Variants in ARHGAP32 observed in about 807,000 individuals in gnomAD.
ARHGAP32 encodes rho GTPase-activating protein 32.
Under a neutral mutation model 186.5 loss-of-function variants are expected in ARHGAP32, and 51 were observed. The ratio of observed to expected loss-of-function variants is 0.27; its 90% CI spans 0.22 to 0.35. The LOEUF is 0.35. Among genes scored for constraint, ARHGAP32 ranks in the 10% least tolerant of loss-of-function variants. ARHGAP32 has a pLI of 1.00. For missense variants in ARHGAP32, 2,186 were observed against 2,623.5 expected, an observed-to-expected ratio of 0.83 and a Z score of 3.64; for synonymous variants, 950 against 964.3, an observed-to-expected ratio of 0.99 and a Z score of 0.27.
intron 11 of ARHGAP32, among the ~76,000 whole-genome samples, chr11:129,013,664 A>G (rs1938198244): frequency 6.6e-6 from 1 of 152,180 alleles, no homozygotes; most frequent in African/African-American, 2.4e-5. Flanking sequence ...TTATACTCAA[A>G]TTTGAGGATC....
Position 129,192,111 on chromosome 11 carries a change from C to T in ARHGAP32, c.88G>A (p.Glu30Lys), listed in dbSNP as rs745814775. The T allele has an allele frequency of 6.2e-7, 1 of 1,613,630 alleles. No individual in the cohort carries two copies. The highest frequency in any genetic ancestry group is 8.5e-7 in the Non-Finnish European group (1 of 1,179,752). ...SEVIIQVTDCEEEEREEKFRK... is the reference protein window; with the variant it reads ...SEVIIQVTDCKEEEREEKFRK... ...AACTTCTCTTCCCTTTCTTCCTCTT[C>T]ACAGTCAGTCACCTGGATTATAACT... The change falls in exon 1 of 23, where the codon GAA (glutamate) becomes AAA (lysine). Residue 30 changes from glutamate to lysine, a missense_variant. Glu to Lys is a moderately conservative substitution (Grantham distance 56). Transcript: ENST00000682385.
intron 10 of ARHGAP32, among the ~76,000 whole-genome samples, chr11:129,057,308 G>A (rs541252021): frequency 6.6e-6 from 1 of 152,186 alleles, no homozygotes; most frequent in South Asian, 2.1e-4. Context: ...AGGTCTGCTA[G>A]TCCTCCATGT....
rs1475932542 is a variant in ARHGAP32 at position 128,966,767 on chromosome 11, A to G, written c.*2140T>C. On this transcript the variant is annotated 3_prime_UTR_variant, in exon 23 of 23. Coordinates refer to ENST00000682385, the MANE Select transcript of ARHGAP32 (RefSeq NM_001378024.1). The stretch of plus-strand genomic sequence containing the variant: ...GCCGTGTGTATCTCCTGGTCACAGC[A>G]GCCCCTCTTCCTAATCTCCATGCTG... 2.6e-5 allele frequency: 4 copies of G among 152,204 alleles called. No homozygotes were observed. Among genetic ancestry groups the G allele is most frequent in the African/African-American group, 9.7e-5 (4 of 41,436 alleles). The allele number at this position is 152,204 out of a possible 1,614,324, so 9.4% of individuals were successfully genotyped here. A position where few individuals can be genotyped will look rare whatever the true frequency, so the allele number is the denominator to read the frequency against.
intron 1 of ARHGAP32, 52 bp downstream of exon 1, chr11:129,192,031 G>A (rs1236628948): frequency 7.8e-6 from 10 of 1,284,326 alleles, no homozygotes; most frequent in Admixed American, 5.3e-5. Context: ...AAAGGGGTGC[G>A]GGTGGGGGTA....
At chr11:129,194,446 A>G (rs1344529050), upstream of ARHGAP32, among the ~76,000 whole-genome samples, 1 of 152,206 alleles carries the variant, frequency 6.6e-6, no homozygotes, top group East Asian at 1.9e-4. Context: ...AGGTCACAAT[A>G]CGGAACAAAG....
chr11:129,004,323 T>C (rs1937651363), intron 11 of ARHGAP32, among the ~76,000 whole-genome samples: 1 of 148,016 alleles, frequency 6.8e-6, no homozygotes, highest in South Asian at 2.2e-4. Context: ...ATAATCCACA[T>C]GCTGAGGAGA....
chr11:128,999,949 C>T (rs1591518717), intron 11 of ARHGAP32, among the ~76,000 whole-genome samples: 1 of 152,162 alleles, frequency 6.6e-6, no homozygotes, highest in African/African-American at 2.4e-5. Flanking sequence ...GGTGTAAAAG[C>T]GGTTTGCATT....
chr11:128,978,595 T>C (rs1945618923), intron 19 of ARHGAP32, among the ~76,000 whole-genome samples, 175 bp downstream of exon 19: 2 of 152,192 alleles, frequency 1.3e-5, no homozygotes, highest in Admixed American at 1.3e-4. Flanking sequence ...TTATATATAA[T>C]TTATGTTACT....
intron 1 of ARHGAP32, among the ~76,000 whole-genome samples, chr11:129,263,116 A>G (rs185730988): frequency 1.4e-3 from 219 of 152,326 alleles, no homozygotes; most frequent in Non-Finnish European, 2.1e-3. Context: ...AACGATCTAA[A>G]CATAAGAGCT....
intron 1 of ARHGAP32, among the ~76,000 whole-genome samples, chr11:129,271,305 C>A (rs1051555980): frequency 1.3e-5 from 2 of 151,922 alleles, no homozygotes; most frequent in African/African-American, 4.8e-5. Flanking sequence ...GAGATGTAGT[C>A]AGGTTCGGTT....
At chr11:128,994,446 T>C (rs561001879) in intron 12 of ARHGAP32, among the ~76,000 whole-genome samples, 9 of 152,180 alleles carry the variant, frequency 5.9e-5, no homozygotes, top group African/African-American at 1.2e-4. Flanking sequence ...TGAGCCACCC[T>C]GCTGGGCCTC....
chr11:129,203,718 C>CAAA (rs375747287), intron 1 of ARHGAP32, among the ~76,000 whole-genome samples: 4 of 81,588 alleles, frequency 4.9e-5, no homozygotes, highest in African/African-American at 9.8e-5. Flanking sequence ...CTTGTCTCTA[C>CAAA]AAAAAAAAAA....
chr11:129,068,750 T>C (rs1940778686), intron 6 of ARHGAP32, among the ~76,000 whole-genome samples: 1 of 152,096 alleles, frequency 6.6e-6, no homozygotes, highest in Non-Finnish European at 1.5e-5. Context: ...ATGACTTTTA[T>C]GTATTGACTT....
chr11:129,068,076 G>T lies in ARHGAP32; in HGVS notation c.532-1208C>A, dbSNP rs75661302. Reference sequence around the variant, plus strand: ...CAGTGTCCTGGTCCCTATTCTAAGAGATGCTAATTCACTAAGTCTGGAAAG... The same window carrying T: ...CAGTGTCCTGGTCCCTATTCTAAGATATGCTAATTCACTAAGTCTGGAAAG... On this transcript the variant is annotated intron_variant, in intron 6 of 22. Coordinates refer to ENST00000682385, the MANE Select transcript of ARHGAP32 (RefSeq NM_001378024.1). Among the ~76,000 whole-genome samples, 163 of 152,170 alleles carry T rather than the reference G, an allele frequency of 1.1e-3. 3 individuals carry two copies. In the East Asian group the frequency reaches 0.025, roughly 24 times the overall value.
intron 6 of ARHGAP32, among the ~76,000 whole-genome samples, chr11:129,081,049 G>A (rs1941204923): frequency 6.6e-6 from 1 of 151,958 alleles, no homozygotes; most frequent in African/African-American, 2.4e-5. Flanking sequence ...AACCCTCCTA[G>A]AGTAAACCAG....
intron 5 of ARHGAP32, among the ~76,000 whole-genome samples, chr11:129,101,193 A>G (rs1306397451): frequency 6.6e-6 from 1 of 152,180 alleles, no homozygotes; most frequent in African/African-American, 2.4e-5. Flanking sequence ...ATCAAATAGG[A>G]TAAAAGGGGG....
At chr11:129,098,751 A>AT (rs1386115755) in intron 5 of ARHGAP32, among the ~76,000 whole-genome samples, 29 of 152,292 alleles carry the variant, frequency 1.9e-4, no homozygotes, top group African/African-American at 7.0e-4. Context: ...AAAGGCTAAT[A>AT]TATTTTAAAA....
At chr11:129,199,217 G>A (rs559434709) in intron 1 of ARHGAP32, among the ~76,000 whole-genome samples, 1 of 152,222 alleles carries the variant, frequency 6.6e-6, no homozygotes, top group Non-Finnish European at 1.5e-5. Context: ...CCATGCAACA[G>A]AAAAGAAAAA....
At chr11:129,062,000 T>A (rs909079394) in intron 10 of ARHGAP32, among the ~76,000 whole-genome samples, 1 of 152,184 alleles carries the variant, frequency 6.6e-6, no homozygotes, top group Non-Finnish European at 1.5e-5. Context: ...GCAAGGTCAC[T>A]CCACAGGCCT....
Sources: gnomAD v4.1 joint callset for allele counts (sites outside exome capture counted in the v4.1 genomes callset) on GRCh38, gnomAD v4.1.1 for gene constraint, MANE v1.5 for transcripts, NCBI Gene and HGNC (gene_info 2026-07-23, HGNC 2026-07-21) for gene names.